LZTS3: variants seen among roughly 807,000 people sequenced by gnomAD.
The protein encoded by LZTS3 is leucine zipper putative tumor suppressor 3.
In LZTS3, 16 loss-of-function variants were observed where a neutral mutation model predicts 50.9. The observed-to-expected ratio is 0.31, with a 90% CI of 0.21 to 0.48. The LOEUF (loss-of-function observed/expected upper bound fraction) is 0.48. Among genes scored for constraint, LZTS3 ranks in the 20% least tolerant of loss-of-function variants. The probability of loss-of-function intolerance (pLI) is 0.99; values close to 1 mark genes in which losing one functional copy is unlikely to be tolerated. For missense variants in LZTS3, 816 were observed against 931.0 expected, an observed-to-expected ratio of 0.88 and a Z score of 1.61; for synonymous variants, 408 against 410.6, an observed-to-expected ratio of 0.99 and a Z score of 0.08.
intron 1 of LZTS3, among the ~76,000 whole-genome samples, chr20:3,168,718 A>G (rs540356792): frequency 6.6e-6 from 1 of 152,282 alleles, no homozygotes; most frequent in Admixed American, 6.5e-5. Flanking sequence ...TAGACCCTCA[A>G]ATAAGTGTGT....
rs1183737915 is a variant in LZTS3 at position 3,173,486 on chromosome 20, G to C, written c.-274C>G. ...CCTCAGGGTCCGGCGCGGGGTCTCCGACACGGGCGCCACCGGCCCCGCTTG... is the reference window on the plus strand; with the variant it reads ...CCTCAGGGTCCGGCGCGGGGTCTCCCACACGGGCGCCACCGGCCCCGCTTG... On this transcript the variant is annotated 5_prime_UTR_variant, in exon 1 of 5. Transcript: ENST00000337576. 4.6e-5 allele frequency: 7 copies of C among 151,798 alleles called. No individual in the cohort carries two copies. Among genetic ancestry groups the C allele is most frequent in the Admixed American group, 2.6e-4 (4 of 15,246 alleles). The allele number at this position is 151,798 out of a possible 1,614,324, so 9.4% of individuals were successfully genotyped here.
chr20:3,165,436 CTG>C lies in LZTS3; in HGVS notation c.1323+59_1323+60del. ...GTTATGATAGTGAGGGGCAACTGCT[CTG>C]GGGTTTCCCAGAGGGACAGAAGGGA... On this transcript the variant is annotated intron_variant, in intron 4 of 4. Coordinates refer to ENST00000337576, the MANE Select transcript of LZTS3 (RefSeq NM_001365618.1). The surrounding 1 kb of genome is among the most constrained non-coding windows in gnomAD (Gnocchi z 5.0). The C allele has an allele frequency of 1.5e-6, 2 of 1,319,308 alleles. 1 individual carries two copies. Among genetic ancestry groups the C allele is most frequent in the Non-Finnish European group, 2.0e-6 (2 of 1,022,690 alleles). 81.7% of individuals were successfully genotyped at this position (1,319,308 alleles called of 1,614,324 possible).
At position 3,165,484 on chromosome 20, in the gene LZTS3, C is replaced by A; in HGVS notation, c.1323+13G>T. The stretch of plus-strand genomic sequence containing the variant: ...AGGGAGGCAGAGGGGAGGCCCAGAT[C>A]CCCAGCCCGCACCTCCCACTTAGTT... On this transcript the variant is annotated intron_variant, in intron 4 of 4. Coordinates refer to ENST00000337576, the MANE Select transcript of LZTS3 (RefSeq NM_001365618.1). The surrounding 1 kb of genome is among the most constrained non-coding windows in gnomAD (Gnocchi z 5.0). 6.6e-7 allele frequency: 1 copy of A among 1,519,230 alleles called. No individual in the cohort carries two copies. The highest frequency in any genetic ancestry group is 8.8e-7 in the Non-Finnish European group (1 of 1,138,256). The allele number at this position is 1,519,230 out of a possible 1,614,324, so 94.1% of individuals were successfully genotyped here. A position where few individuals can be genotyped will look rare whatever the true frequency, so the allele number is the denominator to read the frequency against.
At chr20:3,169,974 A>G (rs1021033897) in intron 1 of LZTS3, among the ~76,000 whole-genome samples, 2 of 149,480 alleles carry the variant, frequency 1.3e-5, no homozygotes, top group African/African-American at 4.9e-5. Context: ...GCACTGAGCC[A>G]GGGAGCAAAG....
rs1461770691 is a variant in LZTS3, at chr20:3,165,732, T to C, written c.1088A>G (p.Glu363Gly). Residue 363 changes from glutamate to glycine, a missense_variant, in exon 4 of 5, where the codon GAG becomes GGG. Physicochemically the swap from Glu to Gly is moderately conservative, Grantham distance 98 (BLOSUM62 -2). Coordinates refer to ENST00000337576, the MANE Select transcript of LZTS3 (RefSeq NM_001365618.1). This position sits in a 1 kb window ranked among gnomAD's most constrained non-coding sequence, Gnocchi z 5.0. ...GCAGCCCTGCCGCAGCTCGGCCAGC[T>C]CCCGCTCCCACGCCTTCTGCCGCTC... Reference protein sequence around the residue: ...LEERQKAWERELAELRQGCSG... With the variant: ...LEERQKAWERGLAELRQGCSG... 2 of 1,575,356 alleles carry C rather than the reference T, an allele frequency of 1.3e-6. No homozygotes were observed. Among genetic ancestry groups the C allele is most frequent in the East Asian group, 4.6e-5 (2 of 43,350 alleles).
In LZTS3 at chr20:3,166,803, C is replaced by G; in HGVS notation, c.361G>C (p.Gly121Arg). Residue 121 changes from glycine to arginine, a missense_variant, in exon 3 of 5, where the codon GGC becomes CGC. Transcript: ENST00000337576. The part of the protein sequence containing the change: ...VCGNVVGSSG[G>R]SSSSGGSDKA... Reference sequence around the variant, plus strand: ...TCACTGCCACCACTGCTGCTGCTGCCTCCGCTGCTGCCAACCACGTTGCCA... The same window carrying G: ...TCACTGCCACCACTGCTGCTGCTGCGTCCGCTGCTGCCAACCACGTTGCCA... The G allele has an allele frequency of 1.2e-6, 2 of 1,613,918 alleles. No individual in the cohort carries two copies. Among genetic ancestry groups the G allele is most frequent in the Non-Finnish European group, 1.7e-6 (2 of 1,179,998 alleles).
Position 3,164,747 on chromosome 20 carries a change from C to T in LZTS3, c.1729G>A (p.Val577Met). 1 of 1,524,270 alleles carries T rather than the reference C, an allele frequency of 6.6e-7. No individual in the cohort carries two copies. Among genetic ancestry groups the T allele is most frequent in the Non-Finnish European group, 8.8e-7 (1 of 1,138,474 alleles). The allele number at this position is 1,524,270 out of a possible 1,614,324, so 94.4% of individuals were successfully genotyped here. The change falls in exon 5 of 5, where the codon GTG becomes ATG. Residue 577 changes from valine to methionine, a missense_variant. Val to Met is a conservative substitution (Grantham distance 21). Coordinates refer to ENST00000337576, the MANE Select transcript of LZTS3 (RefSeq NM_001365618.1). ...GCCAGCTCGGCCTGCAGCCGCCCCA[C>T]CTCCCGCCGCAGGGCCCGCGTCCCG... ...ESGTRALRRE[V>M]GRLQAELAAE...
intron 1 of LZTS3, among the ~76,000 whole-genome samples, chr20:3,171,486 C>T (rs554418969): frequency 5.9e-5 from 9 of 152,160 alleles, no homozygotes; most frequent in Non-Finnish European, 1.0e-4. Context: ...GCTTTGGCTG[C>T]TGCAGCTTCT....
chr20:3,168,158 AGGCCT>A (rs1252317869), intron 1 of LZTS3, 197 bp from the exon 2 acceptor site: 1 of 152,214 alleles, frequency 6.6e-6, no homozygotes, highest in African/African-American at 2.4e-5. Context: ...AGTAGGTGGC[AGGCCT>A]GCCCTCCCCA....
Position 3,173,523 on chromosome 20 carries a change from C to T in LZTS3, c.-311G>A, listed in dbSNP as rs1379429037. 4 of 151,292 alleles carry T rather than the reference C, an allele frequency of 2.6e-5. No individual in the cohort carries two copies. The highest frequency in any genetic ancestry group is 5.9e-5 in the Non-Finnish European group (4 of 67,788). The allele number at this position is 151,292 out of a possible 1,614,324, so 9.4% of individuals were successfully genotyped here. A position where few individuals can be genotyped will look rare whatever the true frequency, so the allele number is the denominator to read the frequency against. ...ACCGGCCCCGCTTGCTGGCGCAGCCCGAAGCACGCCCGGCGGGGCGCGCTG... is the reference window on the plus strand; with the variant it reads ...ACCGGCCCCGCTTGCTGGCGCAGCCTGAAGCACGCCCGGCGGGGCGCGCTG... On this transcript the variant is annotated 5_prime_UTR_variant, in exon 1 of 5. Coordinates refer to ENST00000337576, the MANE Select transcript of LZTS3 (RefSeq NM_001365618.1).
Position 3,164,478 on chromosome 20 carries a change from C to A in LZTS3, c.1998G>T (p.Glu666Asp). 1 of 1,555,222 alleles carries A rather than the reference C, an allele frequency of 6.4e-7. No individual in the cohort carries two copies. Among genetic ancestry groups the A allele is most frequent in the Non-Finnish European group, 8.7e-7 (1 of 1,148,616 alleles). ...EKKAWTPSRL[E>D]RIESTEI ...ATCAGATTTCTGTGGACTCAATGCG[C>A]TCGAGGCGGGAGGGGGTCCAGGCCT... The change falls in exon 5 of 5, where the codon GAG becomes GAT. Residue 666 changes from glutamate to aspartate, a missense_variant. Physicochemically the swap from Glu to Asp is conservative, Grantham distance 45. Coordinates refer to ENST00000337576, the MANE Select transcript of LZTS3 (RefSeq NM_001365618.1).
chr20:3,167,895 T>G lies in LZTS3; in HGVS notation c.-176A>C. ...TGTGCCTCACTCTCGCAGTCGGGGC[T>G]CGGCCCGAACCAGCTGCGCGACTTT... On this transcript the variant is annotated 5_prime_UTR_variant, in exon 2 of 5. Coordinates refer to ENST00000337576, the MANE Select transcript of LZTS3 (RefSeq NM_001365618.1). 1.0e-6 allele frequency: 1 copy of G among 982,236 alleles called. No homozygotes were observed. Among genetic ancestry groups the G allele is most frequent in the Non-Finnish European group, 1.2e-6 (1 of 827,118 alleles). 60.8% of individuals were successfully genotyped at this position (982,236 alleles called of 1,614,324 possible).
intron 2 of LZTS3, 67 bp from the exon 3 acceptor site, chr20:3,167,248 G>C (rs2066843623): frequency 7.0e-7 from 1 of 1,421,376 alleles, no homozygotes; most frequent in South Asian, 1.5e-5. Flanking sequence ...CCCCAGCCAA[G>C]TCAACCCGGC....
intron 1 of LZTS3, among the ~76,000 whole-genome samples, chr20:3,171,557 C>T (rs148359234): frequency 0.012 from 1,817 of 151,192 alleles, 33 homozygotes; most frequent in African/African-American, 0.041. Flanking sequence ...CCCAGCTACT[C>T]GGGAGGCTGA....
chr20:3,173,295 A>AC (rs2066921614), intron 1 of LZTS3, among the ~76,000 whole-genome samples, 160 bp downstream of exon 1: 1 of 151,666 alleles, frequency 6.6e-6, no homozygotes, highest in African/African-American at 2.4e-5. Context: ...AGCATCCATG[A>AC]CATCATCCGC....
Position 3,165,811 on chromosome 20 carries a change from C to T in LZTS3, c.1009G>A (p.Ala337Thr). 2 of 1,599,964 alleles carry T rather than the reference C, an allele frequency of 1.3e-6. No individual in the cohort carries two copies. Among genetic ancestry groups the T allele is most frequent in the Non-Finnish European group, 8.5e-7 (1 of 1,178,224 alleles). The part of the protein sequence containing the change: ...RLWEKEQEVA[A>T]LRRSLEQSEA... Reference sequence around the variant, plus strand: ...CTCTGCTCCAGGCTGCGCCGCAGAGCTGCCACCTCCTGCTCCTTCTCCCAC... The same window carrying T: ...CTCTGCTCCAGGCTGCGCCGCAGAGTTGCCACCTCCTGCTCCTTCTCCCAC... The change falls in exon 4 of 5, where the codon GCT (alanine) becomes ACT (threonine). Residue 337 changes from alanine (A) to threonine (T), a missense_variant. Transcript: ENST00000337576. This position sits in a 1 kb window ranked among gnomAD's most constrained non-coding sequence, Gnocchi z 5.0.
chr20:3,171,127 C>T (rs1331509967), intron 1 of LZTS3, among the ~76,000 whole-genome samples: 1 of 152,070 alleles, frequency 6.6e-6, no homozygotes, highest in Non-Finnish European at 1.5e-5. Flanking sequence ...TGGGAAGGTG[C>T]TTTGTAAACT....
Position 3,166,461 on chromosome 20 carries a change from C to A in LZTS3, c.460-101G>T. The A allele has an allele frequency of 2.9e-6, 4 of 1,401,964 alleles. No homozygotes were observed. In the Admixed American group the frequency reaches 7.9e-5, roughly 28 times the overall value. The allele number at this position is 1,401,964 out of a possible 1,614,324, so 86.8% of individuals were successfully genotyped here. On this transcript the variant is annotated intron_variant, in intron 3 of 4. Coordinates refer to ENST00000337576, the MANE Select transcript of LZTS3 (RefSeq NM_001365618.1). ...GACTTGTCCAGCCCCACCTCCCACC[C>A]CTACTGGATTTCCACCCTGAGGTTC...
chr20:3,171,517 T>G (rs966207660), intron 1 of LZTS3, among the ~76,000 whole-genome samples: 1 of 152,018 alleles, frequency 6.6e-6, no homozygotes, highest in African/African-American at 2.4e-5. Flanking sequence ...TCCCAGCAGA[T>G]AGCCGGGCGT....
Sources: allele counts gnomAD v4.1 joint callset (sites outside exome capture counted in the v4.1 genomes callset), GRCh38; gene constraint gnomAD v4.1.1; non-coding constraint Gnocchi (gnomAD v3.1); transcripts MANE v1.5; gene names NCBI Gene and HGNC (gene_info 2026-07-23, HGNC 2026-07-21).